The following CCDC57 variants were observed in gnomAD, a reference collection of about 807,000 sequenced individuals.
The protein encoded by CCDC57 is coiled-coil domain-containing protein 57.
In CCDC57, 118 loss-of-function variants were observed where a neutral mutation model predicts 118.9. The ratio of observed to expected loss-of-function variants is 0.99; its 90% CI spans 0.86 to 1.16. CCDC57 has a LOEUF of 1.16. CCDC57 is among the 50% of genes most tolerant of loss of function. The pLI is 0.00. For synonymous variants in CCDC57, 527 were observed against 532.9 expected (o/e 0.99, Z 0.15); for missense variants, 1,300 against 1,320.7 (o/e 0.98, Z 0.24).
chr17:82,172,059 G>C lies in CCDC57; in HGVS notation c.1730-206C>G, dbSNP rs1373035086. Reference sequence around the variant, plus strand: ...ACCTTCCCTCCCCTCACTGGCCAGAGTGTGCCAGCCAGAGACCAGCACAGT... The same window carrying C: ...ACCTTCCCTCCCCTCACTGGCCAGACTGTGCCAGCCAGAGACCAGCACAGT... On this transcript the variant is annotated intron_variant, in intron 12 of 19. Coordinates refer to ENST00000665763, the Ensembl canonical transcript of CCDC57. The surrounding 1 kb of genome is among the most constrained non-coding windows in gnomAD (Gnocchi z 5.2). Among the ~76,000 whole-genome samples the C allele has an allele frequency of 6.6e-6, 1 of 152,198 alleles. No homozygotes were observed. The highest frequency in any genetic ancestry group is 1.5e-5 in the Non-Finnish European group (1 of 68,030).
chr17:82,160,764 C>G (rs775235775), intron 14 of CCDC57, among the ~76,000 whole-genome samples: 8 of 150,834 alleles, frequency 5.3e-5, no homozygotes, highest in African/African-American at 2.0e-4. Flanking sequence ...ATCCCAGCTA[C>G]TTGGGAGGCT....
rs4789753 is a variant in CCDC57, at chr17:82,134,255, T to G, written c.2456-61A>C. 2.4e-6 allele frequency: 3 copies of G among 1,261,158 alleles called. No homozygotes were observed. In the Admixed American group the frequency reaches 1.3e-4, roughly 53 times the overall value. 78.1% of individuals were successfully genotyped at this position (1,261,158 alleles called of 1,614,324 possible). ...GCATCACTTCTGGATTCCTCTTGTG[T>G]TGAATGCAAACACTCAGAAAGAACA... is the stretch of plus-strand genomic sequence containing the variant. On this transcript the variant is annotated intron_variant, in intron 16 of 19. Coordinates refer to ENST00000665763, the Ensembl canonical transcript of CCDC57.
chr17:82,180,189 A>G (rs1471786292), intron 9 of CCDC57, among the ~76,000 whole-genome samples: 4 of 152,216 alleles, frequency 2.6e-5, no homozygotes, highest in African/African-American at 9.6e-5. Context: ...GCTAGGGTGC[A>G]GAGTGACCCT....
intron 1 of CCDC57, among the ~76,000 whole-genome samples, chr17:82,209,246 C>T (rs564153926): frequency 2.0e-5 from 3 of 152,250 alleles, no homozygotes; most frequent in South Asian, 2.1e-4. Context: ...TTTCTTTGAA[C>T]GTGCATTTGC....
At position 82,119,120 on chromosome 17, in the gene CCDC57, G is replaced by A. The variant is rs2145076715; in HGVS notation, c.2899+8572C>T. 2.2e-4 allele frequency among the ~76,000 whole-genome samples: 3 copies of A among 13,478 alleles called. 1 individual carries two copies. In the South Asian group the frequency reaches 0.015, roughly 67 times the overall value. The allele number at this position is 13,478 out of a possible 152,430, so 8.8% of individuals were successfully genotyped here. ...GGCGGGGGTGGGGGTGGGAGTGGGG[G>A]CAGGGGTGGGGGTGGGGGTGGTGAG... On this transcript the variant is annotated intron_variant, in intron 19 of 19. Transcript: ENST00000665763.
At chr17:82,207,348 A>T (rs1023561433) in intron 2 of CCDC57, among the ~76,000 whole-genome samples, 1 of 152,080 alleles carries the variant, frequency 6.6e-6, no homozygotes, top group African/African-American at 2.4e-5. Flanking sequence ...TAAAAAAAAA[A>T]AAACAAAAAA....
chr17:82,201,843 C>G, exon 3 of CCDC57: 1 of 1,613,574 alleles, frequency 6.2e-7, no homozygotes, highest in Non-Finnish European at 8.5e-7. Flanking sequence ...CCTGCAGAGC[C>G]GCCTCCTGCA....
intron 15 of CCDC57, among the ~76,000 whole-genome samples, chr17:82,153,139 C>A (rs1483882105): frequency 6.6e-6 from 1 of 152,054 alleles, no homozygotes; most frequent in East Asian, 1.9e-4. Flanking sequence ...GGAGAATAGA[C>A]AGGAATGGGC....
chr17:82,139,392 C>T (rs1315722556), intron 16 of CCDC57, among the ~76,000 whole-genome samples: 2 of 152,150 alleles, frequency 1.3e-5, no homozygotes, highest in Non-Finnish European at 2.9e-5. Flanking sequence ...AAGAAGACTC[C>T]TGACCCAGGC....
chr17:82,142,865 T>G (rs1025805288), intron 16 of CCDC57, among the ~76,000 whole-genome samples: 2 of 151,916 alleles, frequency 1.3e-5, no homozygotes, highest in African/African-American at 2.4e-5. Flanking sequence ...GCTCGTGAAA[T>G]AGAAAAACAG....
rs948542478 is a variant in CCDC57 at position 82,118,930 on chromosome 17, C to G, written c.2899+8762G>C. Among the ~76,000 whole-genome samples, 2 of 151,564 alleles carry G rather than the reference C, an allele frequency of 1.3e-5. No individual in the cohort carries two copies. Among genetic ancestry groups the G allele is most frequent in the African/African-American group, 4.9e-5 (2 of 41,160 alleles). On this transcript the variant is annotated intron_variant, in intron 19 of 19. Coordinates refer to ENST00000665763, the Ensembl canonical transcript of CCDC57. The surrounding 1 kb of genome is among the most constrained non-coding windows in gnomAD (Gnocchi z 4.7). ...GTGGTTTGCCTTGGAGTCCCTCCCT[C>G]GCCCTGGAATGCCTGGTAGTGTGTG...
chr17:82,187,178 G>A (rs191169177), intron 8 of CCDC57, among the ~76,000 whole-genome samples: 13 of 145,042 alleles, frequency 9.0e-5, no homozygotes, highest in Non-Finnish European at 1.7e-4. Context: ...TGGAGGTTGC[G>A]GTGAGCTAAG....
At chr17:82,153,234 G>C (rs2042278380) in intron 15 of CCDC57, among the ~76,000 whole-genome samples, 1 of 152,210 alleles carries the variant, frequency 6.6e-6, no homozygotes, top group Non-Finnish European at 1.5e-5. Context: ...CTGGGGCTGG[G>C]GGAGAGGGGC....
intron 15 of CCDC57, among the ~76,000 whole-genome samples, chr17:82,152,928 G>C (rs2042235673): frequency 6.6e-6 from 1 of 152,222 alleles, no homozygotes; most frequent in African/African-American, 2.4e-5. Flanking sequence ...TCGAAGGGGA[G>C]AGATGTCTGC....
intron 14 of CCDC57, among the ~76,000 whole-genome samples, chr17:82,159,723 G>A (rs944662016): frequency 6.6e-6 from 1 of 151,040 alleles, no homozygotes; most frequent in African/African-American, 2.4e-5. Flanking sequence ...CCAGGCTGGA[G>A]TGCAGTAGCG....
chr17:82,133,512 G>A (rs546429078), intron 17 of CCDC57, among the ~76,000 whole-genome samples: 62 of 142,048 alleles, frequency 4.4e-4, no homozygotes, highest in Admixed American at 1.4e-3. Context: ...ATAGTACCCA[G>A]ATATGTAAAG....
rs529797647 is a variant in CCDC57 at position 82,146,968 on chromosome 17, G to A, written c.2455+4592C>T. ...CTCGGGAAGTGCTAGGATTACAGGC[G>A]TGAGCCACCACACACAGCCGAGGAA... On this transcript the variant is annotated intron_variant, in intron 16 of 19. Coordinates refer to ENST00000665763, the Ensembl canonical transcript of CCDC57. 3.9e-5 allele frequency among the ~76,000 whole-genome samples: 6 copies of A among 152,370 alleles called. No homozygotes were observed. The South Asian group carries it at 1.2e-3, about 32-fold the overall frequency.
chr17:82,207,702 T>G (rs924758291), intron 2 of CCDC57: 6 of 152,222 alleles, frequency 3.9e-5, no homozygotes, highest in African/African-American at 1.4e-4. Context: ...AACTCCGTTC[T>G]CCCGCACAGC....
chr17:82,115,317 C>CAAGAGG (rs1448983519), intron 19 of CCDC57, among the ~76,000 whole-genome samples: 1 of 151,216 alleles, frequency 6.6e-6, no homozygotes, highest in Admixed American at 6.6e-5. Context: ...CAAGAGGGGG[C>CAAGAGG]GGCTTTTGTC....
Sources: gnomAD v4.1 joint callset for allele counts (sites outside exome capture counted in the v4.1 genomes callset) on GRCh38, gnomAD v4.1.1 for gene constraint, Gnocchi (gnomAD v3.1) non-coding constraint, MANE v1.5 for transcripts, NCBI Gene and HGNC (gene_info 2026-07-23, HGNC 2026-07-21) for gene names.